Variants in PLOD1 observed in about 807,000 individuals in gnomAD.
PLOD1 encodes lysine hydroxylase.
PLOD1 carries 70 observed loss-of-function variants against 94.7 expected under a neutral mutation model. That is an observed-to-expected ratio of 0.74 (90% confidence interval 0.61 to 0.90). The LOEUF (loss-of-function observed/expected upper bound fraction) is 0.90. PLOD1 is among the 40% of genes least tolerant of loss of function. The pLI is 0.00. For synonymous variants in PLOD1, 417 were observed against 400.2 expected, an observed-to-expected ratio of 1.04 and a Z score of -0.50; for missense variants, 905 against 972.7, an observed-to-expected ratio of 0.93 and a Z score of 0.93.
At chr1:11,959,322 G>T (rs931413771) in intron 9 of PLOD1, among the ~76,000 whole-genome samples, 2 of 152,112 alleles carry the variant, frequency 1.3e-5, no homozygotes, top group African/African-American at 4.8e-5. Context: ...CGTAAAAGGT[G>T]CCTGGTGCAC....
Position 11,972,901 on chromosome 1 carries a change from C to T in PLOD1, c.1932C>T (p.Arg644=), listed in dbSNP as rs11553677. ...RAQFDLAFVV[R]YKPDEQPSLM... is the part of the protein sequence containing the mutation. Reference sequence around the variant, plus strand: ...AGTTTGACCTGGCCTTTGTCGTCCGCTACAAGCCTGATGAGCAGCCCTCAC... The same window carrying T: ...AGTTTGACCTGGCCTTTGTCGTCCGTTACAAGCCTGATGAGCAGCCCTCAC... The change falls in exon 18 of 19, where the codon CGC becomes CGT. Residue 644 remains arginine, a synonymous_variant. Transcript: ENST00000196061. This position sits in a 1 kb window ranked among gnomAD's most constrained non-coding sequence, Gnocchi z 4.6. 2 of 1,613,992 alleles carry T rather than the reference C, an allele frequency of 1.2e-6. No individual in the cohort carries two copies. Among genetic ancestry groups the T allele is most frequent in the African/African-American group, 1.3e-5 (1 of 74,924 alleles).
At chr1:11,951,977 T>C (rs1472918897) in intron 4 of PLOD1, among the ~76,000 whole-genome samples, 2 of 152,226 alleles carry the variant, frequency 1.3e-5, no homozygotes, top group East Asian at 3.8e-4. Flanking sequence ...GACTTTCCAC[T>C]GCACGGAGAA....
chr1:11,956,288 GC>G (rs1645737228), intron 6 of PLOD1, among the ~76,000 whole-genome samples: 1 of 152,142 alleles, frequency 6.6e-6, no homozygotes, highest in Non-Finnish European at 1.5e-5. Context: ...GGAGGCTGAG[GC>G]AGGAAAATCA....
At chr1:11,948,392 G>C (rs1449411969) in intron 2 of PLOD1, among the ~76,000 whole-genome samples, 2 of 152,102 alleles carry the variant, frequency 1.3e-5, no homozygotes, top group Non-Finnish European at 2.9e-5. Flanking sequence ...CGTAATTTGG[G>C]GATGGGCACG....
chr1:11,955,291 G>C (rs1434880748), intron 6 of PLOD1, among the ~76,000 whole-genome samples: 1 of 152,228 alleles, frequency 6.6e-6, no homozygotes, highest in Non-Finnish European at 1.5e-5. Context: ...AAGGCTACTT[G>C]ACCCTTGATG....
chr1:11,960,239 C>T (rs531799216), intron 9 of PLOD1, among the ~76,000 whole-genome samples: 20 of 152,242 alleles, frequency 1.3e-4, no homozygotes, highest in African/African-American at 4.1e-4. Flanking sequence ...CAAAGTGCTG[C>T]GAATACAGGC....
Position 11,954,580 on chromosome 1 carries a change from C to T in PLOD1, c.580-250C>T, listed in dbSNP as rs370239775. ...ACGGCCGTCATTGTTGTAGGTGAGC[C>T]GGCTGCATTCTTAGATTCCTTCCAG... On this transcript the variant is annotated intron_variant, in intron 5 of 18. Coordinates refer to ENST00000196061, the MANE Select transcript of PLOD1 (RefSeq NM_000302.4). The T allele has an allele frequency of 1.1e-4, 82 of 743,684 alleles. No individual in the cohort carries two copies. In the East Asian group the frequency reaches 1.3e-3, roughly 12 times the overall value. The allele number at this position is 743,684 out of a possible 1,614,324, so 46.1% of individuals were successfully genotyped here. A position where few individuals can be genotyped will look rare whatever the true frequency, so the allele number is the denominator to read the frequency against.
intron 5 of PLOD1, among the ~76,000 whole-genome samples, chr1:11,953,303 G>A (rs1353513735): frequency 1.3e-5 from 2 of 151,600 alleles, no homozygotes; most frequent in Admixed American, 6.6e-5. Context: ...TGATTTACCC[G>A]CCTCGGCCTC....
At position 11,963,865 on chromosome 1, in the gene PLOD1, CTCCTCCTCCTCT is replaced by C. The variant is rs1645796811; in HGVS notation, c.1202+241_1202+252del. On this transcript the variant is annotated intron_variant, in intron 11 of 18. Coordinates refer to ENST00000196061, the MANE Select transcript of PLOD1 (RefSeq NM_000302.4). This position sits in a 1 kb window ranked among gnomAD's most constrained non-coding sequence, Gnocchi z 4.3. ...CCTCCTCGTCTTCCTCATCCTCTTT[CTCCTCCTCCTCT>C]TCCTCCTCCTCCTTGGCCTCACCTA... Among the ~76,000 whole-genome samples the C allele has an allele frequency of 6.6e-6, 1 of 151,728 alleles. No individual in the cohort carries two copies. The highest frequency in any genetic ancestry group is 2.4e-5 in the African/African-American group (1 of 41,272).
At chr1:11,940,336 C>T (rs1005333984) in intron 1 of PLOD1, among the ~76,000 whole-genome samples, 13 of 152,230 alleles carry the variant, frequency 8.5e-5, no homozygotes, top group African/African-American at 3.1e-4. Flanking sequence ...CATTCTTGCT[C>T]TCAGGAAGGC....
intron 16 of PLOD1, among the ~76,000 whole-genome samples, chr1:11,970,466 A>G (rs971332541): frequency 1.3e-5 from 2 of 152,128 alleles, no homozygotes; most frequent in Non-Finnish European, 2.9e-5. Context: ...TGACTCACCT[A>G]GTAGGTCAGG....
chr1:11,957,318 A>C lies in PLOD1; in HGVS notation c.741+304A>C. ...CACCCCAGGGCAGAGTCACTTATTC[A>C]CTCAGTAAACCTTTATTTCATGTTT... On this transcript the variant is annotated intron_variant, in intron 7 of 18. Coordinates refer to ENST00000196061, the MANE Select transcript of PLOD1 (RefSeq NM_000302.4). The surrounding 1 kb of genome is among the most constrained non-coding windows in gnomAD (Gnocchi z 4.1). 2 of 567,206 alleles carry C rather than the reference A, an allele frequency of 3.5e-6. No homozygotes were observed. The highest frequency in any genetic ancestry group is 3.4e-6 in the Non-Finnish European group (1 of 297,782). 35.1% of individuals were successfully genotyped at this position (567,206 alleles called of 1,614,324 possible). A position where few individuals can be genotyped will look rare whatever the true frequency, so the allele number is the denominator to read the frequency against.
chr1:11,964,205 T>C lies in PLOD1; in HGVS notation c.1233T>C (p.His411=), dbSNP rs1281613546. Residue 411 remains histidine (H), a synonymous_variant, in exon 12 of 19, where the codon CAT becomes CAC. Transcript: ENST00000196061. ...TCATTGCCCCGCTGATGACCCGGCA[T>C]GGGAGGCTGTGGTCGAACTTCTGGG... ...KNVIAPLMTR[H]GRLWSNFWGA... 6.2e-7 allele frequency: 1 copy of C among 1,611,062 alleles called. No individual in the cohort carries two copies.
intron 3 of PLOD1, 25 bp downstream of exon 3, chr1:11,949,931 C>T (rs1215458845): frequency 1.9e-6 from 3 of 1,611,344 alleles, no homozygotes; most frequent in Admixed American, 1.7e-5. Context: ...GCTTCCTAGC[C>T]TGGGCCCCTC....
chr1:11,972,623 C>T lies in PLOD1; in HGVS notation c.1903-249C>T, dbSNP rs1645874186. ...TTTTCCTCCCTTCCTCCCTCCCTCC[C>T]TTCCTTTCTTCCTTCCCCTCTGTTC... On this transcript the variant is annotated intron_variant, in intron 17 of 18. Coordinates refer to ENST00000196061, the MANE Select transcript of PLOD1 (RefSeq NM_000302.4). This position sits in a 1 kb window ranked among gnomAD's most constrained non-coding sequence, Gnocchi z 4.6. 2 of 458,730 alleles carry T rather than the reference C, an allele frequency of 4.4e-6. No individual in the cohort carries two copies. Among genetic ancestry groups the T allele is most frequent in the African/African-American group, 2.0e-5 (1 of 50,978 alleles). 28.4% of individuals were successfully genotyped at this position (458,730 alleles called of 1,614,324 possible).
intron 5 of PLOD1, 140 bp downstream of exon 5, chr1:11,952,875 G>A: frequency 1.6e-6 from 1 of 632,988 alleles, no homozygotes; most frequent in Non-Finnish European, 2.9e-6. Context: ...GCCATAGGCT[G>A]GGTGGCTCCC....
At chr1:11,965,652 C>T (rs894217766) in intron 14 of PLOD1, 59 bp downstream of exon 14, 82 of 1,011,928 alleles carry the variant, frequency 8.1e-5, no homozygotes, top group South Asian at 1.9e-4. Flanking sequence ...ATCCTGCAGT[C>T]GGAGGGACTT....
At chr1:11,944,655 A>C (rs774944869) in intron 1 of PLOD1, 1 of 1,354,446 alleles carries the variant, frequency 7.4e-7, no homozygotes, top group Non-Finnish European at 9.9e-7. Flanking sequence ...TCTGGATCCC[A>C]GGTTCAGGTA....
Position 11,954,823 on chromosome 1 carries a change from C to A in PLOD1, c.580-7C>A. ...CCTGCTGCAGTCTGGTACCTTCTTT[C>A]CTGCAGGAGCAGATCAATATCACCC... On this transcript the variant is annotated splice_region_variant and splice_polypyrimidine_tract_variant and intron_variant, in intron 5 of 18. Coordinates refer to ENST00000196061, the MANE Select transcript of PLOD1 (RefSeq NM_000302.4). 2 of 1,610,978 alleles carry A rather than the reference C, an allele frequency of 1.2e-6. No homozygotes were observed. Among genetic ancestry groups the A allele is most frequent in the Non-Finnish European group, 1.7e-6 (2 of 1,177,116 alleles).
Sources: allele counts gnomAD v4.1 joint callset (sites outside exome capture counted in the v4.1 genomes callset), GRCh38; gene constraint gnomAD v4.1.1; non-coding constraint Gnocchi (gnomAD v3.1); transcripts MANE v1.5; gene names NCBI Gene and HGNC (gene_info 2026-07-23, HGNC 2026-07-21).